Variants in SNCG observed in about 807,000 individuals in gnomAD.
The protein encoded by SNCG is gamma-synuclein.
Under a neutral mutation model 16.0 loss-of-function variants are expected in SNCG, and 13 were observed. That is an observed-to-expected ratio of 0.81 (90% confidence interval 0.53 to 1.29). The LOEUF is 1.29. SNCG is among the 50% of genes most tolerant of loss of function. SNCG has a pLI of 0.00. For missense variants in SNCG, 154 were observed against 168.5 expected, an observed-to-expected ratio of 0.91 and a Z score of 0.48; for synonymous variants, 66 against 66.3, an observed-to-expected ratio of 1.00 and a Z score of 0.02.
chr10:86,961,480 C>T (rs1394392950), intron 3 of SNCG, among the ~76,000 whole-genome samples: 1 of 152,028 alleles, frequency 6.6e-6, no homozygotes. Flanking sequence ...AGGCAGAACA[C>T]ATAGAGCCCC....
chr10:86,957,420 C>G (rs750916661), upstream of SNCG: 71 of 1,613,646 alleles, frequency 4.4e-5, no homozygotes, highest in Non-Finnish European at 5.8e-5. Flanking sequence ...CTCTGCCTTC[C>G]AGACCCCAGG....
chr10:86,958,386 C>T, upstream of SNCG: 1 of 985,388 alleles, frequency 1.0e-6, no homozygotes, highest in Non-Finnish European at 1.2e-6. Flanking sequence ...GTGGCCAGCC[C>T]CCTCCAGCCC....
At position 86,962,627 on chromosome 10, in the gene SNCG, C is replaced by G. The variant is rs754337713; in HGVS notation, c.315C>G (p.Pro105=). The change falls in exon 4 of 5, where the codon CCC becomes CCG. Residue 105 remains proline (P), a synonymous_variant. Coordinates refer to ENST00000372017, the MANE Select transcript of SNCG (RefSeq NM_003087.3). Reference sequence around the variant, plus strand: ...AGGAGGACTTGAGGCCATCTGCCCCCCAACAGGAGGGTGAGGCATCCAAAG... The same window carrying G: ...AGGAGGACTTGAGGCCATCTGCCCCGCAACAGGAGGGTGAGGCATCCAAAG... The part of the protein sequence containing the change: ...VRKEDLRPSA[P]QQEGEASKEK... The G allele has an allele frequency of 6.2e-7, 1 of 1,612,828 alleles. No individual in the cohort carries two copies. The highest frequency in any genetic ancestry group is 1.7e-5 in the Admixed American group (1 of 59,912).
At chr10:86,956,585 G>A (rs1347592289), upstream of SNCG, among the ~76,000 whole-genome samples, 2 of 152,238 alleles carry the variant, frequency 1.3e-5, no homozygotes. Context: ...GTCAAACTCA[G>A]ATCCTGCTCC....
chr10:86,958,682 A>G lies in SNCG; in HGVS notation c.-16A>G. On this transcript the variant is annotated 5_prime_UTR_variant, in exon 1 of 5. Transcript: ENST00000372017. ...GCTCCGTCCTGCCTGCAGCAGCACAACCCTGCACACCCACCATGGATGTCT... is the reference window on the plus strand; with the variant it reads ...GCTCCGTCCTGCCTGCAGCAGCACAGCCCTGCACACCCACCATGGATGTCT... 6 of 1,613,746 alleles carry G rather than the reference A, an allele frequency of 3.7e-6. No homozygotes were observed. The highest frequency in any genetic ancestry group is 1.7e-5 in the Admixed American group (1 of 59,996).
At chr10:86,958,901 C>A in intron 1 of SNCG, 83 bp downstream of exon 1, 2 of 1,454,356 alleles carry the variant, frequency 1.4e-6, no homozygotes, top group Non-Finnish European at 1.9e-6. Flanking sequence ...TACTCCCCAG[C>A]CCCAGGGAGG....
In SNCG at chr10:86,959,531, CCCA is replaced by C. The variant is rs1844302280; in HGVS notation, c.122-99_122-97del. ...GGCCCCCAGACACCATCCTTACCCCCCCACCGACCCCACAGTTTGTCCAGCTGT... is the reference window on the plus strand; with the variant it reads ...GGCCCCCAGACACCATCCTTACCCCCCCGACCCCACAGTTTGTCCAGCTGT... On this transcript the variant is annotated intron_variant, in intron 1 of 4. Transcript: ENST00000372017. This position sits in a 1 kb window ranked among gnomAD's most constrained non-coding sequence, Gnocchi z 4.3. The C allele has an allele frequency of 4.8e-6, 5 of 1,035,782 alleles. No homozygotes were observed. The highest frequency in any genetic ancestry group is 7.4e-6 in the Non-Finnish European group (5 of 671,626). The allele number at this position is 1,035,782 out of a possible 1,614,324, so 64.2% of individuals were successfully genotyped here. A position where few individuals can be genotyped will look rare whatever the true frequency, so the allele number is the denominator to read the frequency against.
In SNCG at chr10:86,962,566, T is replaced by G. The variant is rs1446609404; in HGVS notation, c.292-38T>G. The G allele has an allele frequency of 2.0e-6, 3 of 1,525,870 alleles. No individual in the cohort carries two copies. In the African/African-American group the frequency reaches 4.1e-5, roughly 21 times the overall value. 94.5% of individuals were successfully genotyped at this position (1,525,870 alleles called of 1,614,324 possible). A position where few individuals can be genotyped will look rare whatever the true frequency, so the allele number is the denominator to read the frequency against. On this transcript the variant is annotated intron_variant, in intron 3 of 4. Transcript: ENST00000372017. ...GCAGGGCAGCTAGGGGTCTCTGCATTCTCCACATGGTCTCATGCCCCCTTT... is the reference window on the plus strand; with the variant it reads ...GCAGGGCAGCTAGGGGTCTCTGCATGCTCCACATGGTCTCATGCCCCCTTT...
In SNCG at chr10:86,960,138, G is replaced by T. The variant is rs200593639; in HGVS notation, c.291+10G>T. The T allele has an allele frequency of 1.2e-6, 2 of 1,609,348 alleles. No individual in the cohort carries two copies. The highest frequency in any genetic ancestry group is 2.2e-5 in the South Asian group (2 of 90,644). On this transcript the variant is annotated intron_variant, in intron 3 of 4. Transcript: ENST00000372017. ...CGGGGTGGTGCGCAAGGTGAGCCCC[G>T]GCCCTCAGACCTGCCCAGTCCTCTC...
chr10:86,960,048 G>T lies in SNCG; in HGVS notation c.211G>T (p.Val71Leu), dbSNP rs113991473. The T allele has an allele frequency of 6.2e-7, 1 of 1,612,658 alleles. No individual in the cohort carries two copies. The change falls in exon 3 of 5, where the codon GTG becomes TTG. Residue 71 changes from valine to leucine, a missense_variant. Transcript: ENST00000372017. ...EQANAVSEAV[V>L]SSVNTVATKT... ...GGCCAACGCCGTGAGCGAGGCTGTG[G>T]TGAGCAGCGTCAACACTGTGGCCAC... is the stretch of plus-strand genomic sequence containing the variant.
chr10:86,958,385 C>T (rs1398837949), upstream of SNCG: 11 of 985,256 alleles, frequency 1.1e-5, no homozygotes, highest in Non-Finnish European at 1.1e-5. Flanking sequence ...GGTGGCCAGC[C>T]CCCTCCAGCC....
intron 3 of SNCG, among the ~76,000 whole-genome samples, chr10:86,961,806 C>G (rs1264178416): frequency 6.6e-6 from 1 of 152,208 alleles, no homozygotes. Flanking sequence ...CCCTTTTATG[C>G]CCCACTCCGC....
chr10:86,955,901 G>C (rs1258813293), upstream of SNCG, among the ~76,000 whole-genome samples: 3 of 152,112 alleles, frequency 2.0e-5, no homozygotes, highest in Non-Finnish European at 4.4e-5. Flanking sequence ...GGACTGCGGG[G>C]CCCCTGCAGG....
chr10:86,962,555 G>A (rs992402146), intron 3 of SNCG, 49 bp from the exon 4 acceptor site: 12 of 1,413,002 alleles, frequency 8.5e-6, no homozygotes, highest in Non-Finnish European at 1.2e-5. Context: ...GGCAGCTAGG[G>A]GTCTCTGCAT....
chr10:86,960,360 T>C (rs1307181783), intron 3 of SNCG, among the ~76,000 whole-genome samples: 1 of 152,102 alleles, frequency 6.6e-6, no homozygotes, highest in South Asian at 2.1e-4. Context: ...TGGGAGCCCA[T>C]CTCATAGACA....
At chr10:86,956,440 C>G (rs1039447677), upstream of SNCG, among the ~76,000 whole-genome samples, 10 of 152,232 alleles carry the variant, frequency 6.6e-5, no homozygotes, top group African/African-American at 9.6e-5. Context: ...GTTGGCCCCC[C>G]CCTCACTCCC....
chr10:86,960,635 C>T (rs1421757642), intron 3 of SNCG, among the ~76,000 whole-genome samples: 1 of 152,178 alleles, frequency 6.6e-6, no homozygotes, highest in Non-Finnish European at 1.5e-5. Context: ...CTGACCCTAC[C>T]CTCTGCAGCT....
upstream of SNCG, chr10:86,958,496 TTCCC>T (rs1184984868): frequency 7.1e-4 from 806 of 1,140,078 alleles, no homozygotes; most frequent in South Asian, 2.7e-3. Flanking sequence ...CTGAACCTCC[TTCCC>T]TCCCTCCCTC....
At chr10:86,960,617 T>C (rs1399492584) in intron 3 of SNCG, among the ~76,000 whole-genome samples, 4 of 152,150 alleles carry the variant, frequency 2.6e-5, no homozygotes, top group Admixed American at 2.6e-4. Context: ...AAGAAAGCAG[T>C]GCTGCTTCTG....
Sources: allele counts gnomAD v4.1 joint callset (sites outside exome capture counted in the v4.1 genomes callset), GRCh38; gene constraint gnomAD v4.1.1; non-coding constraint Gnocchi (gnomAD v3.1); transcripts MANE v1.5; gene names NCBI Gene and HGNC (gene_info 2026-07-23, HGNC 2026-07-21).